The following PIGQ variants were observed in gnomAD, a reference collection of about 807,000 sequenced individuals.
The protein encoded by PIGQ is phosphatidylinositol glycan anchor biosynthesis class Q, also known as phosphatidylinositol N-acetylglucosaminyltransferase subunit Q.
PIGQ carries 54 observed loss-of-function variants against 60.3 expected under a neutral mutation model. The ratio of observed to expected loss-of-function variants is 0.90; its 90% CI spans 0.72 to 1.12. PIGQ has a LOEUF of 1.12. Among genes scored for constraint, PIGQ ranks in the 50% most tolerant of loss-of-function variants. PIGQ has a pLI of 0.00. For synonymous variants in PIGQ, 416 were observed against 363.7 expected (o/e 1.14, Z -1.64); for missense variants, 799 against 793.5 (o/e 1.01, Z -0.08).
At position 583,830 on chromosome 16, in the gene PIGQ, G is replaced by A; in HGVS notation, c.*795G>A. ...GAAGCCCTGCTGTGCAGACACCTCTGTGGCCCCCCAGGAGTGTGAGTGGCC... is the reference window on the plus strand; with the variant it reads ...GAAGCCCTGCTGTGCAGACACCTCTATGGCCCCCCAGGAGTGTGAGTGGCC... On this transcript the variant is annotated 3_prime_UTR_variant, in exon 11 of 11. Coordinates refer to ENST00000321878, the MANE Select transcript of PIGQ (RefSeq NM_004204.5). 1 of 688,276 alleles carries A rather than the reference G, an allele frequency of 1.5e-6. No individual in the cohort carries two copies. The highest frequency in any genetic ancestry group is 1.8e-5 in the African/African-American group (1 of 57,026). The allele number at this position is 688,276 out of a possible 1,614,324, so 42.6% of individuals were successfully genotyped here. A position where few individuals can be genotyped will look rare whatever the true frequency, so the allele number is the denominator to read the frequency against.
chr16:578,143 G>C (rs531799101), intron 4 of PIGQ: 135 of 482,632 alleles, frequency 2.8e-4, no homozygotes, highest in African/African-American at 2.1e-3. Context: ...CGGATGCCCT[G>C]TGGGCCCGGC....
chr16:581,049 ACAG>A, intron 9 of PIGQ, 77 bp downstream of exon 9: 1 of 1,331,658 alleles, frequency 7.5e-7, no homozygotes, highest in Non-Finnish European at 1.1e-6. Flanking sequence ...AGAAGCAAGG[ACAG>A]CATGGGCCAC....
chr16:573,024 C>T lies in PIGQ; in HGVS notation c.-9-1042C>T, dbSNP rs534257339. Among the ~76,000 whole-genome samples, 24 of 152,354 alleles carry T rather than the reference C, an allele frequency of 1.6e-4. No individual in the cohort carries two copies. In the South Asian group the frequency reaches 4.6e-3, roughly 29 times the overall value. Reference sequence around the variant, plus strand: ...CCCAGCCAGCCGGCCAGTAGTGCCCCCACCGCTAGGGAGTCCTCCTGCCCT... The same window carrying T: ...CCCAGCCAGCCGGCCAGTAGTGCCCTCACCGCTAGGGAGTCCTCCTGCCCT... On this transcript the variant is annotated intron_variant, in intron 1 of 10. Coordinates refer to ENST00000321878, the MANE Select transcript of PIGQ (RefSeq NM_004204.5).
intron 1 of PIGQ, among the ~76,000 whole-genome samples, chr16:573,671 C>T (rs1408559736): frequency 6.6e-6 from 1 of 152,226 alleles, no homozygotes; most frequent in Non-Finnish European, 1.5e-5. Flanking sequence ...CCTTTAAGCA[C>T]ACCTCTCTAA....
At chr16:572,761 G>C (rs4984668) in intron 1 of PIGQ, among the ~76,000 whole-genome samples, 1 of 145,284 alleles carries the variant, frequency 6.9e-6, no homozygotes, top group South Asian at 2.2e-4. Flanking sequence ...ACCTCCAGGC[G>C]TCCCGCTCTG....
rs966291612 is a variant in PIGQ, at chr16:578,909, C to T, written c.1194C>T (p.His398=). 1 of 1,613,354 alleles carries T rather than the reference C, an allele frequency of 6.2e-7. No individual in the cohort carries two copies. The highest frequency in any genetic ancestry group is 8.5e-7 in the Non-Finnish European group (1 of 1,179,938). ...LSDIIALLTF[H]IYCFYVYGAR... Reference sequence around the variant, plus strand: ...ACATTATCGCCCTCCTCACCTTCCACATCTACTGCTTTTACGTCTATGGAG... The same window carrying T: ...ACATTATCGCCCTCCTCACCTTCCATATCTACTGCTTTTACGTCTATGGAG... The change falls in exon 6 of 11, where the codon CAC becomes CAT. Residue 398 remains histidine, a synonymous_variant. Coordinates refer to ENST00000321878, the MANE Select transcript of PIGQ (RefSeq NM_004204.5).
chr16:574,689 C>T lies in PIGQ; in HGVS notation c.615C>T (p.Ala205=). Reference sequence around the variant, plus strand: ...AGGCCAGCATCCTCGCGGAGCTGGCCAGGCGAGCCTCGGGACCCATTTGCC... The same window carrying T: ...AGGCCAGCATCCTCGCGGAGCTGGCTAGGCGAGCCTCGGGACCCATTTGCC... ...GVEASILAEL[A]RRASGPICLL... Residue 205 remains alanine (A), a synonymous_variant, in exon 2 of 11, where the codon GCC becomes GCT. Transcript: ENST00000321878. 1 of 1,603,982 alleles carries T rather than the reference C, an allele frequency of 6.2e-7. No individual in the cohort carries two copies. The highest frequency in any genetic ancestry group is 8.5e-7 in the Non-Finnish European group (1 of 1,178,806).
chr16:582,570 G>T (rs1346530725), intron 10 of PIGQ: 4 of 567,834 alleles, frequency 7.0e-6, no homozygotes, highest in Admixed American at 3.1e-5. Context: ...GCTGCCCTGG[G>T]CCCCACAGGG....
chr16:574,098 C>A lies in PIGQ; in HGVS notation c.24C>A (p.Pro8=). The change falls in exon 2 of 11, where the codon CCC becomes CCA. Residue 8 remains proline (P), a synonymous_variant. Coordinates refer to ENST00000321878, the MANE Select transcript of PIGQ (RefSeq NM_004204.5). ...GCATGGTGCTCAAGGCCTTCTTCCC[C>A]ACGTGCTGCGTCTCGACGGACAGCG... The part of the protein sequence containing the change: MVLKAFF[P]TCCVSTDSGL... 1 of 1,607,216 alleles carries A rather than the reference C, an allele frequency of 6.2e-7. No homozygotes were observed. Among genetic ancestry groups the A allele is most frequent in the Non-Finnish European group, 8.5e-7 (1 of 1,177,766 alleles).
intron 5 of PIGQ, 97 bp from the exon 6 acceptor site, chr16:578,688 C>T (rs2035760689): frequency 1.3e-6 from 2 of 1,494,350 alleles, no homozygotes; most frequent in African/African-American, 2.7e-5. Context: ...CCCACCCTGC[C>T]AGGCTACACG....
chr16:581,243 G>C, intron 9 of PIGQ: 1 of 1,407,248 alleles, frequency 7.1e-7, no homozygotes, highest in Non-Finnish European at 9.4e-7. Context: ...TTGTTCTTCT[G>C]CCTTGGGATT....
intron 1 of PIGQ, 51 bp from the exon 2 acceptor site, chr16:574,015 G>T: frequency 7.6e-7 from 1 of 1,324,394 alleles, no homozygotes. Context: ...CGCAGCCCAC[G>T]GTGGGGGGGC....
intron 1 of PIGQ, chr16:572,666 C>T (rs902790111): frequency 8.8e-6 from 4 of 455,996 alleles, no homozygotes; most frequent in Non-Finnish European, 1.8e-5. Context: ...ACTCTGTTCC[C>T]TCGTCCCTAA....
rs1388557955 is a variant in PIGQ at position 580,963 on chromosome 16, A to G, written c.1522A>G (p.Arg508Gly). 2 of 1,604,820 alleles carry G rather than the reference A, an allele frequency of 1.2e-6. No individual in the cohort carries two copies. Among genetic ancestry groups the G allele is most frequent in the Non-Finnish European group, 1.7e-6 (2 of 1,173,134 alleles). Residue 508 changes from arginine (R) to glycine (G), a missense_variant, in exon 9 of 11, where the codon AGG (arginine) becomes GGG (glycine). Coordinates refer to ENST00000321878, the MANE Select transcript of PIGQ (RefSeq NM_004204.5). ...GGGTCTTCGGCTCTGCCGGCCCTAC[A>G]GGCTGGCGGGTAAGTGCTGCGTATT... Reference protein sequence around the residue: ...SLGLRLCRPYRLAAGVKFRVL... With the variant: ...SLGLRLCRPYGLAAGVKFRVL...
chr16:576,130 C>A lies in PIGQ; in HGVS notation c.822-4C>A. ...ATGCCGGCCGGGCCGGACCTCCCTT[C>A]CAGGAAGGCCAACACGGTGGCCTCT... On this transcript the variant is annotated splice_region_variant and splice_polypyrimidine_tract_variant and intron_variant, in intron 3 of 10. Coordinates refer to ENST00000321878, the MANE Select transcript of PIGQ (RefSeq NM_004204.5). 6.5e-7 allele frequency: 1 copy of A among 1,547,778 alleles called. No individual in the cohort carries two copies. The highest frequency in any genetic ancestry group is 8.7e-7 in the Non-Finnish European group (1 of 1,146,632).
At chr16:578,563 G>A in intron 5 of PIGQ, 58 bp downstream of exon 5, 1 of 1,557,872 alleles carries the variant, frequency 6.4e-7, no homozygotes, top group Non-Finnish European at 8.7e-7. Flanking sequence ...AGAGGGTAGG[G>A]ACCCAGCCAG....
chr16:570,243 C>G (rs946249411), intron 1 of PIGQ, 147 bp downstream of exon 1: 1 of 152,046 alleles, frequency 6.6e-6, no homozygotes, highest in African/African-American at 2.4e-5. Flanking sequence ...CCGCGCCGAC[C>G]TGGGCCCCTG....
intron 7 of PIGQ, 118 bp from the exon 8 acceptor site, chr16:580,065 T>G: frequency 1.5e-6 from 1 of 667,428 alleles, no homozygotes; most frequent in East Asian, 2.8e-5. Context: ...CCATCCCGAG[T>G]TCCCTCAGGA....
intron 6 of PIGQ, 56 bp downstream of exon 6, chr16:578,994 T>A: frequency 7.3e-7 from 1 of 1,369,622 alleles, no homozygotes; most frequent in Non-Finnish European, 9.9e-7. Flanking sequence ...AGGCTCCGGC[T>A]GGGCGGGCGT....
Sources: allele counts gnomAD v4.1 joint callset (sites outside exome capture counted in the v4.1 genomes callset), GRCh38; gene constraint gnomAD v4.1.1; transcripts MANE v1.5; gene names NCBI Gene and HGNC (gene_info 2026-07-23, HGNC 2026-07-21).